CADM2: variants seen among roughly 807,000 people sequenced by gnomAD.
The protein encoded by CADM2 is immunoglobulin superfamily member 4D.
Under a neutral mutation model 49.8 loss-of-function variants are expected in CADM2, and 12 were observed. That is an observed-to-expected ratio of 0.24 (90% confidence interval 0.15 to 0.39). The LOEUF (loss-of-function observed/expected upper bound fraction) is 0.39, where lower values mean the gene tolerates loss of function less well. CADM2 is among the 10% of genes least tolerant of loss of function. The pLI is 1.00. For missense variants in CADM2, 378 were observed against 492.3 expected (o/e 0.77, Z 2.20); for synonymous variants, 214 against 175.4 (o/e 1.22, Z -1.74).
At chr3:85,026,385 A>C (rs1261444581) in intron 1 of CADM2, among the ~76,000 whole-genome samples, 3 of 152,160 alleles carry the variant, frequency 2.0e-5, no homozygotes, top group Non-Finnish European at 4.4e-5. Context: ...ATATTTTGCA[A>C]CATATTTAAA....
At chr3:85,160,317 C>A (rs1013975650) in intron 1 of CADM2, among the ~76,000 whole-genome samples, 1 of 151,668 alleles carries the variant, frequency 6.6e-6, no homozygotes, top group Admixed American at 6.6e-5. Flanking sequence ...TCATTTAACT[C>A]TTCAATCTCT....
intron 1 of CADM2, 108 bp from the exon 2 acceptor site, chr3:85,726,414 G>A: frequency 7.7e-6 from 9 of 1,169,612 alleles, no homozygotes; most frequent in Non-Finnish European, 1.1e-5. Flanking sequence ...AATCACAAAT[G>A]TACTCTTTAG....
chr3:85,072,863 T>C (rs2036810160), intron 1 of CADM2, among the ~76,000 whole-genome samples: 1 of 152,088 alleles, frequency 6.6e-6, no homozygotes, highest in African/African-American at 2.4e-5. Flanking sequence ...TTTATCCCTG[T>C]GATTATTTGG....
At chr3:85,517,084 A>G (rs1396505315) in intron 1 of CADM2, among the ~76,000 whole-genome samples, 2 of 151,964 alleles carry the variant, frequency 1.3e-5, no homozygotes, top group African/African-American at 4.8e-5. Context: ...TTAAGCTTAA[A>G]AGAATAATCT....
intron 1 of CADM2, among the ~76,000 whole-genome samples, chr3:85,043,922 T>A (rs1381093052): frequency 6.6e-6 from 1 of 152,168 alleles, no homozygotes; most frequent in Non-Finnish European, 1.5e-5. Flanking sequence ...AAAAAGCTCC[T>A]ATCATAAATA....
intron 1 of CADM2, among the ~76,000 whole-genome samples, chr3:85,133,160 G>T (rs371730798): frequency 6.6e-6 from 1 of 152,338 alleles, no homozygotes. Flanking sequence ...CATAAAAGCA[G>T]TGTGGACCCA....
At chr3:86,034,112 C>T (rs1183771316) in intron 8 of CADM2, among the ~76,000 whole-genome samples, 1 of 151,912 alleles carries the variant, frequency 6.6e-6, no homozygotes, top group East Asian at 1.9e-4. Flanking sequence ...ATGCTTACTA[C>T]TTACTTACTA....
At position 86,055,473 on chromosome 3, in the gene CADM2, T is replaced by G. The variant is rs866220894; in HGVS notation, c.971-10132T>G. On this transcript the variant is annotated intron_variant, in intron 8 of 9. Coordinates refer to ENST00000383699, the MANE Select transcript of CADM2 (RefSeq NM_001167675.2). ...CCTCTTTTTTTTTTTTTTTTTTTTT[T>G]TTTTTTGGTTTTAGAGGGATTCTTG... 6.0e-3 allele frequency among the ~76,000 whole-genome samples: 767 copies of G among 126,998 alleles called. 8 individuals are homozygous for G. The highest frequency in any genetic ancestry group is 0.024 in the African/African-American group (699 of 29,218). 83.3% of individuals were successfully genotyped at this position (126,998 alleles called of 152,430 possible).
intron 3 of CADM2, among the ~76,000 whole-genome samples, chr3:85,863,792 G>C (rs1392997326): frequency 1.3e-5 from 2 of 152,170 alleles, no homozygotes; most frequent in Non-Finnish European, 2.9e-5. Flanking sequence ...ATACATATTT[G>C]CTCAATGGAT....
intron 1 of CADM2, among the ~76,000 whole-genome samples, chr3:85,446,904 G>T (rs1453214058): frequency 2.7e-5 from 4 of 147,154 alleles, no homozygotes; most frequent in Admixed American, 6.9e-5. Flanking sequence ...ACCTGGCCAT[G>T]AACGATTTTT....
At chr3:85,371,703 A>G (rs947012285) in intron 1 of CADM2, among the ~76,000 whole-genome samples, 13 of 141,034 alleles carry the variant, frequency 9.2e-5, no homozygotes, top group African/African-American at 1.6e-4. Flanking sequence ...ATATATATAT[A>G]TATATATATA....
chr3:85,354,618 C>CAGAGATAG (rs1553712790), intron 1 of CADM2, among the ~76,000 whole-genome samples: 2 of 130,158 alleles, frequency 1.5e-5, no homozygotes, highest in African/African-American at 2.8e-5. Flanking sequence ...GAATACCTAA[C>CAGAGATAG]AGAGAGAGAG....
At chr3:85,763,925 C>G (rs1462359602) in intron 2 of CADM2, among the ~76,000 whole-genome samples, 2 of 152,090 alleles carry the variant, frequency 1.3e-5, no homozygotes, top group Non-Finnish European at 2.9e-5. Flanking sequence ...GCCTCCTTTT[C>G]TCTTCAGAGC....
intron 1 of CADM2, among the ~76,000 whole-genome samples, chr3:85,003,174 A>G (rs1468180025): frequency 6.6e-6 from 1 of 151,488 alleles, no homozygotes. Context: ...AAAAGGCCAA[A>G]TACTAAAAAT....
Position 85,497,939 on chromosome 3 carries a change from C to T in CADM2, c.62-228583C>T, listed in dbSNP as rs72909224. Among the ~76,000 whole-genome samples the T allele has an allele frequency of 3.5e-3, 538 of 151,940 alleles. 7 individuals carry two copies. The highest frequency in any genetic ancestry group is 0.012 in the African/African-American group (495 of 41,446). ...TATATACATATACACAGTCCATCCTCATTATCTGTAGATTCTGTATTTGTG... is the reference window on the plus strand; with the variant it reads ...TATATACATATACACAGTCCATCCTTATTATCTGTAGATTCTGTATTTGTG... On this transcript the variant is annotated intron_variant, in intron 1 of 9. Transcript: ENST00000383699.
At chr3:85,117,150 G>A (rs1176391898) in intron 1 of CADM2, among the ~76,000 whole-genome samples, 1 of 152,174 alleles carries the variant, frequency 6.6e-6, no homozygotes, top group Non-Finnish European at 1.5e-5. Flanking sequence ...GAACCCGGGA[G>A]GTGGAGGTTG....
At chr3:84,961,453 T>G (rs576500298) in intron 1 of CADM2, among the ~76,000 whole-genome samples, 1 of 152,198 alleles carries the variant, frequency 6.6e-6, no homozygotes, top group Non-Finnish European at 1.5e-5. Flanking sequence ...ACATTCTCCC[T>G]GCGTACACCG....
chr3:85,828,658 T>C (rs1269004201), intron 3 of CADM2, among the ~76,000 whole-genome samples: 6 of 151,928 alleles, frequency 3.9e-5, no homozygotes, highest in Non-Finnish European at 7.4e-5. Flanking sequence ...TCATTCTTTG[T>C]TTCTCCCTGA....
chr3:85,347,166 G>A (rs560836518), intron 1 of CADM2, among the ~76,000 whole-genome samples: 4 of 124,934 alleles, frequency 3.2e-5, no homozygotes, highest in Non-Finnish European at 6.3e-5. Context: ...AGGTTTTGGT[G>A]AGCTAAGATC....
Sources: gnomAD v4.1 joint callset for allele counts (sites outside exome capture counted in the v4.1 genomes callset) on GRCh38, gnomAD v4.1.1 for gene constraint, MANE v1.5 for transcripts, NCBI Gene and HGNC (gene_info 2026-07-23, HGNC 2026-07-21) for gene names.